Variants in GFRA1 observed in about 807,000 individuals in gnomAD.
GFRA1 encodes the protein GDNF family receptor alpha 1.
In GFRA1, 16 loss-of-function variants were observed where a neutral mutation model predicts 51.6. The ratio of observed to expected loss-of-function variants is 0.31; its 90% CI spans 0.21 to 0.47. The LOEUF is 0.47. GFRA1 is among the 20% of genes least tolerant of loss of function. The probability of loss-of-function intolerance (pLI) is 1.00; values close to 1 mark genes in which losing one functional copy is unlikely to be tolerated. For missense variants in GFRA1, 530 were observed against 594.3 expected (o/e 0.89, Z 1.13); for synonymous variants, 270 against 241.3 (o/e 1.12, Z -1.10).
chr10:116,134,651 C>T (rs777681114), intron 5 of GFRA1, among the ~76,000 whole-genome samples: 5 of 152,142 alleles, frequency 3.3e-5, no homozygotes, highest in African/African-American at 7.2e-5. Flanking sequence ...TTTTTTCATA[C>T]CTTACACAAC....
intron 5 of GFRA1, among the ~76,000 whole-genome samples, chr10:116,190,966 A>G (rs1365401527): frequency 6.6e-6 from 1 of 152,230 alleles, no homozygotes; most frequent in African/African-American, 2.4e-5. Flanking sequence ...GAAATAAAAA[A>G]CAAGAGAATC....
intron 7 of GFRA1, 145 bp downstream of exon 7, chr10:116,096,510 T>C (rs1956584535): frequency 6.1e-6 from 4 of 651,660 alleles, no homozygotes; most frequent in Non-Finnish European, 1.1e-5. Context: ...TTTACAGGCA[T>C]GTCCTCAAGG....
intron 5 of GFRA1, among the ~76,000 whole-genome samples, chr10:116,209,965 C>A (rs952895959): frequency 5.3e-5 from 8 of 152,068 alleles, no homozygotes; most frequent in Non-Finnish European, 1.2e-4. Context: ...TATAAGGGAG[C>A]GGCCGCCCAC....
At chr10:116,222,816 G>T (rs1006592802) in intron 4 of GFRA1, among the ~76,000 whole-genome samples, 1 of 152,014 alleles carries the variant, frequency 6.6e-6, no homozygotes, top group Non-Finnish European at 1.5e-5. Flanking sequence ...CACAAGTTTT[G>T]CATCCACAGA....
chr10:116,117,800 C>T (rs888253001), intron 6 of GFRA1, among the ~76,000 whole-genome samples: 1 of 152,088 alleles, frequency 6.6e-6, no homozygotes, highest in South Asian at 2.1e-4. Flanking sequence ...AACAGATGGA[C>T]GGATATACTT....
intron 9 of GFRA1, among the ~76,000 whole-genome samples, chr10:116,071,846 A>G (rs903339332): frequency 1.3e-5 from 2 of 152,160 alleles, no homozygotes. Flanking sequence ...GACCAGGACC[A>G]TCTTTATTCT....
chr10:116,193,103 A>T (rs180798945), intron 5 of GFRA1, among the ~76,000 whole-genome samples: 118 of 152,308 alleles, frequency 7.7e-4, no homozygotes, highest in African/African-American at 2.5e-3. Flanking sequence ...AGAAGTTACT[A>T]AAGTGGCCTG....
chr10:116,239,891 C>T (rs1967209606), intron 4 of GFRA1, among the ~76,000 whole-genome samples: 1 of 152,206 alleles, frequency 6.6e-6, no homozygotes, highest in African/African-American at 2.4e-5. Context: ...CAATTTTGAA[C>T]ATGTTCACAA....
At chr10:116,204,562 GA>G (rs1964582779) in intron 5 of GFRA1, among the ~76,000 whole-genome samples, 1 of 152,160 alleles carries the variant, frequency 6.6e-6, no homozygotes, top group Non-Finnish European at 1.5e-5. Flanking sequence ...GATGAGCCTG[GA>G]GCATCTTCTA....
intron 5 of GFRA1, among the ~76,000 whole-genome samples, chr10:116,128,551 C>T (rs1217461075): frequency 1.3e-5 from 2 of 151,888 alleles, no homozygotes; most frequent in Non-Finnish European, 2.9e-5. Flanking sequence ...CAGTGAAACC[C>T]CGTCTCTACT....
At chr10:116,192,136 T>C (rs1200371112) in intron 5 of GFRA1, among the ~76,000 whole-genome samples, 2 of 152,234 alleles carry the variant, frequency 1.3e-5, no homozygotes, top group Non-Finnish European at 2.9e-5. Context: ...ATTTAATTTC[T>C]TAGTGGTTTG....
intron 9 of GFRA1, among the ~76,000 whole-genome samples, chr10:116,088,708 C>T (rs540455061): frequency 4.9e-4 from 75 of 151,982 alleles, no homozygotes; most frequent in Middle Eastern, 6.9e-3. Flanking sequence ...ATCACAAGGT[C>T]GGGAGATCGA....
chr10:116,271,894 C>A (rs1843971973), intron 2 of GFRA1, 96 bp downstream of exon 2: 1 of 934,706 alleles, frequency 1.1e-6, no homozygotes, highest in Admixed American at 2.0e-5. Flanking sequence ...ACCACACCCG[C>A]GCCCCAATTT....
At position 116,125,538 on chromosome 10, in the gene GFRA1, C is replaced by G. The variant is rs1957834092; in HGVS notation, c.453G>C (p.Gly151=). 6.2e-7 allele frequency: 1 copy of G among 1,613,678 alleles called. No homozygotes were observed. The highest frequency in any genetic ancestry group is 8.5e-7 in the Non-Finnish European group (1 of 1,179,874). The change falls in exon 6 of 11, where the codon GGG becomes GGC. Residue 151 remains glycine, a synonymous_variant. Coordinates refer to ENST00000355422, the MANE Select transcript of GFRA1 (RefSeq NM_005264.8). ...VFQQVEHIPK[G]NNCLDAAKAC... is the part of the protein sequence containing the mutation. The stretch of plus-strand genomic sequence containing the variant: ...CCTTCGCTGCATCCAGGCAGTTGTT[C>G]CCTTTGGGAATGTGCTCCACTGCAA...
chr10:116,071,100 G>C, intron 9 of GFRA1, among the ~76,000 whole-genome samples: 1 of 152,148 alleles, frequency 6.6e-6, no homozygotes, highest in Admixed American at 6.5e-5. Flanking sequence ...GCTTAATTTT[G>C]CCAAGCCCCA....
intron 5 of GFRA1, among the ~76,000 whole-genome samples, chr10:116,131,511 T>C (rs1432138381): frequency 6.6e-6 from 1 of 152,092 alleles, no homozygotes; most frequent in Non-Finnish European, 1.5e-5. Flanking sequence ...CATGTATCCA[T>C]CAATAGGAAA....
intron 4 of GFRA1, among the ~76,000 whole-genome samples, chr10:116,216,995 C>T (rs948862710): frequency 6.6e-6 from 1 of 152,192 alleles, no homozygotes; most frequent in Non-Finnish European, 1.5e-5. Flanking sequence ...TCAGTCGGTA[C>T]ATTTCTTCTG....
At chr10:116,111,325 C>A (rs1215814844) in intron 6 of GFRA1, among the ~76,000 whole-genome samples, 1 of 152,204 alleles carries the variant, frequency 6.6e-6, no homozygotes, top group Non-Finnish European at 1.5e-5. Context: ...TGCAGTGGGG[C>A]CAGCCCAGGC....
intron 4 of GFRA1, among the ~76,000 whole-genome samples, chr10:116,247,702 A>T (rs184680637): frequency 2.0e-5 from 3 of 152,308 alleles, no homozygotes; most frequent in African/African-American, 7.2e-5. Flanking sequence ...CAAATGTCTC[A>T]GCAGAGAAGA....
Sources: gnomAD v4.1 joint callset for allele counts (sites outside exome capture counted in the v4.1 genomes callset) on GRCh38, gnomAD v4.1.1 for gene constraint, MANE v1.5 for transcripts, NCBI Gene and HGNC (gene_info 2026-07-23, HGNC 2026-07-21) for gene names.